Variants in BRAT1 observed in about 807,000 individuals in gnomAD.
BRAT1 encodes the protein BRCA1 associated ATM activator 1.
In BRAT1, 74 loss-of-function variants were observed where a neutral mutation model predicts 70.6. The observed-to-expected ratio is 1.05, with a 90% CI of 0.87 to 1.27. The LOEUF (loss-of-function observed/expected upper bound fraction) is 1.27, where lower values mean the gene tolerates loss of function less well. Ranked by LOEUF, BRAT1 falls within the 50% of genes most tolerant of loss-of-function variation. The pLI is 0.00. For synonymous variants in BRAT1, 615 were observed against 517.1 expected, an observed-to-expected ratio of 1.19 and a Z score of -2.57; for missense variants, 1,203 against 1,098.2, an observed-to-expected ratio of 1.10 and a Z score of -1.35.
In BRAT1 at chr7:2,538,574, C is replaced by G. The variant is rs1159450884; in HGVS notation, c.1961G>C (p.Gly654Ala). 1 of 1,599,164 alleles carries G rather than the reference C, an allele frequency of 6.3e-7. No homozygotes were observed. The highest frequency in any genetic ancestry group is 1.7e-5 in the Admixed American group (1 of 59,704). ...RDLDWEVRAQGLELALVFLGQ... is the reference protein window; with the variant it reads ...RDLDWEVRAQALELALVFLGQ... ...CAGGAACACGAGGGCCAGCTCCAGG[C>G]CCTGGGCGCGGACCTCCCAGTCCAG... The change falls in exon 14 of 14, where the codon GGC (glycine) becomes GCC (alanine). Residue 654 changes from glycine (G) to alanine (A), a missense_variant. By Grantham distance (60) the Gly-to-Ala change is moderately conservative. Transcript: ENST00000340611.
At chr7:2,551,189 C>T (rs576807154) in intron 2 of BRAT1, among the ~76,000 whole-genome samples, 1 of 150,114 alleles carries the variant, frequency 6.7e-6, no homozygotes, top group East Asian at 2.0e-4. Flanking sequence ...TGCAGTGAGC[C>T]AAGATTGTGC....
At chr7:2,548,673 A>G (rs911510211) in intron 2 of BRAT1, among the ~76,000 whole-genome samples, 16 of 151,606 alleles carry the variant, frequency 1.1e-4, no homozygotes, top group African/African-American at 3.9e-4. Context: ...CTCTCTAAAA[A>G]AAAAAAAGGC....
chr7:2,541,785 G>A lies in BRAT1; in HGVS notation c.1067C>T (p.Ala356Val), dbSNP rs912690370. The change falls in exon 8 of 14, where the codon GCC becomes GTC. Residue 356 changes from alanine to valine, a missense_variant. Transcript: ENST00000340611. ...DDATTVDTLL[A>V]SKSSCAGLLC... The stretch of plus-strand genomic sequence containing the variant: ...GAGGCCGGCGCAGGACGACTTGGAG[G>A]CCAGGAGTGTGTCCACCGTCGTGGC... 4.3e-6 allele frequency: 7 copies of A among 1,612,758 alleles called. 1 individual carries two copies. The highest frequency in any genetic ancestry group is 3.3e-5 in the Admixed American group (2 of 59,980).
Position 2,543,209 on chromosome 7 carries a change from C to G in BRAT1, c.918G>C (p.Glu306Asp), listed in dbSNP as rs1236822187. The G allele has an allele frequency of 6.2e-7, 1 of 1,604,710 alleles. No homozygotes were observed. Among genetic ancestry groups the G allele is most frequent in the African/African-American group, 1.3e-5 (1 of 74,516 alleles). Residue 306 changes from glutamate (E) to aspartate (D), a missense_variant, in exon 6 of 14, where the codon GAG becomes GAC. Transcript: ENST00000340611. The surrounding 1 kb of genome is among the most constrained non-coding windows in gnomAD (Gnocchi z 5.5). ...GPLALGILKL[E>D]HCPQALRTQA... ...AAATGCACCCCAGACCATACCAGTG[C>G]TCGAGCTTCAGGATCCCCAAAGCCA...
Position 2,539,550 on chromosome 7 carries a change from AG to A in BRAT1, c.1590del (p.Trp531GlyfsTer36), listed in dbSNP as rs755075934. The A allele has an allele frequency of 1.9e-6, 3 of 1,561,738 alleles. No individual in the cohort carries two copies. The highest frequency in any genetic ancestry group is 2.6e-6 in the Non-Finnish European group (3 of 1,152,166). The part of the protein sequence containing the change: ...ALEFLTQLSR[H>X]WGGQADFRCA... ...TCCACCTGCCAGCACTCACCTCCCC[AG>A]TGCCTGCTCAGCTGGGTCAGGAACT... On this transcript the variant is annotated frameshift_variant, in exon 12 of 14. Coordinates refer to ENST00000340611, the MANE Select transcript of BRAT1 (RefSeq NM_152743.4). LOFTEE classifies it high-confidence loss of function.
rs535585767 is a variant in BRAT1 at position 2,541,897 on chromosome 7, GCCACCCCACGGTCACCAC to G, written c.1016-79_1016-62del. The stretch of plus-strand genomic sequence containing the variant: ...CACTTCAGCCTCCCCACGGTCACCA[GCCACCCCACGGTCACCAC>G]CCACAGCACAGGCCAGGACCTAGGT... On this transcript the variant is annotated intron_variant, in intron 7 of 13. Coordinates refer to ENST00000340611, the MANE Select transcript of BRAT1 (RefSeq NM_152743.4). 4.9e-5 allele frequency: 76 copies of G among 1,549,502 alleles called. No individual in the cohort carries two copies. In the African/African-American group the frequency reaches 9.1e-4, roughly 18 times the overall value.
chr7:2,539,758 C>T (rs753735820), intron 11 of BRAT1, 28 bp downstream of exon 11: 11 of 1,592,262 alleles, frequency 6.9e-6, no homozygotes, highest in African/African-American at 5.4e-5. Context: ...ACTCCAGCTC[C>T]GTTCACCCCT....
Position 2,539,571 on chromosome 7 carries a change from G to C in BRAT1, c.1570C>G (p.Leu524Val), listed in dbSNP as rs140095103. The change falls in exon 12 of 14, where the codon CTG becomes GTG. Residue 524 changes from leucine to valine, a missense_variant. By Grantham distance (32) the Leu-to-Val change is conservative. Coordinates refer to ENST00000340611, the MANE Select transcript of BRAT1 (RefSeq NM_152743.4). Reference sequence around the variant, plus strand: ...CCCCAGTGCCTGCTCAGCTGGGTCAGGAACTCGAGGGCGGAGTCCCTCACC... The same window carrying C: ...CCCCAGTGCCTGCTCAGCTGGGTCACGAACTCGAGGGCGGAGTCCCTCACC... ...WEVRDSALEF[L>V]TQLSRHWGGQ... is the part of the protein sequence containing the mutation. The C allele has an allele frequency of 3.8e-6, 6 of 1,577,184 alleles. No homozygotes were observed. The highest frequency in any genetic ancestry group is 2.7e-5 in the African/African-American group (2 of 73,880).
At chr7:2,552,151 T>C (rs1316707891) in intron 2 of BRAT1, among the ~76,000 whole-genome samples, 3 of 117,968 alleles carry the variant, frequency 2.5e-5, no homozygotes, top group Non-Finnish European at 3.4e-5. Flanking sequence ...AGAGTCTCAC[T>C]CCATTGCCCT....
chr7:2,551,096 C>T (rs1287961260), intron 2 of BRAT1, among the ~76,000 whole-genome samples: 1 of 151,878 alleles, frequency 6.6e-6, no homozygotes, highest in African/African-American at 2.4e-5. Flanking sequence ...AAAAATTGGC[C>T]GGGCATGGTG....
Position 2,542,116 on chromosome 7 carries a change from A to T in BRAT1, c.1015+4T>A. 1 of 1,534,464 alleles carries T rather than the reference A, an allele frequency of 6.5e-7. No homozygotes were observed. Among genetic ancestry groups the T allele is most frequent in the Non-Finnish European group, 8.8e-7 (1 of 1,140,542 alleles). On this transcript the variant is annotated splice_donor_region_variant and intron_variant, in intron 7 of 13. Coordinates refer to ENST00000340611, the MANE Select transcript of BRAT1 (RefSeq NM_152743.4). ...GCCCTCCCAGCCCTTTCTAAGCAGC[A>T]CACCTGGGGGTCCGGGGGCCTGAAC...
intron 4 of BRAT1, among the ~76,000 whole-genome samples, chr7:2,544,549 G>A (rs910846555): frequency 1.4e-4 from 22 of 152,086 alleles, no homozygotes; most frequent in African/African-American, 5.3e-4. Context: ...TGCCTAAGTT[G>A]GAGTGCAGTG....
intron 13 of BRAT1, 98 bp downstream of exon 13, chr7:2,539,081 T>TC: frequency 6.7e-7 from 1 of 1,490,456 alleles, no homozygotes; most frequent in South Asian, 1.3e-5. Flanking sequence ...CAGCAGCTGC[T>TC]CCCACGCTGC....
Position 2,542,267 on chromosome 7 carries a change from T to C in BRAT1, c.924-56A>G, listed in dbSNP as rs1018629143. The C allele has an allele frequency of 4.2e-6, 6 of 1,414,148 alleles. No individual in the cohort carries two copies. The African/African-American group carries it at 8.6e-5, about 20-fold the overall frequency. The allele number at this position is 1,414,148 out of a possible 1,614,324, so 87.6% of individuals were successfully genotyped here. On this transcript the variant is annotated intron_variant, in intron 6 of 13. Coordinates refer to ENST00000340611, the MANE Select transcript of BRAT1 (RefSeq NM_152743.4). ...CCCTGGCTGCGAGACAAGTTGGCTG[T>C]GCTCCTAATGTCCCCAGCAAGCCTG...
Position 2,543,940 on chromosome 7 carries a change from G to A in BRAT1, c.453C>T (p.Ser151=). 6.3e-7 allele frequency: 1 copy of A among 1,588,924 alleles called. No individual in the cohort carries two copies. Among genetic ancestry groups the A allele is most frequent in the Non-Finnish European group, 8.6e-7 (1 of 1,163,136 alleles). The change falls in exon 5 of 14, where the codon TCC becomes TCT. Residue 151 remains serine (S), a synonymous_variant. Coordinates refer to ENST00000340611, the MANE Select transcript of BRAT1 (RefSeq NM_152743.4). The surrounding 1 kb of genome is among the most constrained non-coding windows in gnomAD (Gnocchi z 5.5). ...ADHGAVDTIF[S]LQGDSSLFVA... The stretch of plus-strand genomic sequence containing the variant: ...CAAACAGGCTGGAGTCTCCCTGCAG[G>A]GAGAAGATGGTGTCGACCGCACCTG...
chr7:2,553,396 A>T (rs1302442119), intron 2 of BRAT1, among the ~76,000 whole-genome samples: 3 of 152,190 alleles, frequency 2.0e-5, no homozygotes, highest in Non-Finnish European at 2.9e-5. Flanking sequence ...TGATTCAATT[A>T]ATTATGGTCT....
chr7:2,544,149 A>C (rs1241788667), intron 4 of BRAT1, 187 bp from the exon 5 acceptor site: 1 of 450,850 alleles, frequency 2.2e-6, no homozygotes, highest in Non-Finnish European at 3.9e-6. Flanking sequence ...CCTCCCCCCG[A>C]GCGTTAAACA....
chr7:2,539,321 G>A lies in BRAT1; in HGVS notation c.1628C>T (p.Ala543Val), dbSNP rs1778957444. ...CAGGGCCAGCTGAGGCACCTCTGAAGCCAAGAGTGCGCATCTGAAGTCAGC... is the reference window on the plus strand; with the variant it reads ...CAGGGCCAGCTGAGGCACCTCTGAAACCAAGAGTGCGCATCTGAAGTCAGC... Reference protein sequence around the residue: ...GQADFRCALLASEVPQLALQL... With the variant: ...GQADFRCALLVSEVPQLALQL... Residue 543 changes from alanine to valine, a missense_variant, in exon 13 of 14, where the codon GCT becomes GTT. By Grantham distance (64) the Ala-to-Val change is moderately conservative. Coordinates refer to ENST00000340611, the MANE Select transcript of BRAT1 (RefSeq NM_152743.4). 1 of 1,611,588 alleles carries A rather than the reference G, an allele frequency of 6.2e-7. No homozygotes were observed. The highest frequency in any genetic ancestry group is 8.5e-7 in the Non-Finnish European group (1 of 1,179,496).
intron 10 of BRAT1, 55 bp downstream of exon 10, chr7:2,540,924 G>T: frequency 6.9e-7 from 1 of 1,447,856 alleles, no homozygotes. Context: ...GTCAGGGGTG[G>T]GTCCCACTGC....
Sources: allele counts gnomAD v4.1 joint callset (sites outside exome capture counted in the v4.1 genomes callset), GRCh38; gene constraint gnomAD v4.1.1; non-coding constraint Gnocchi (gnomAD v3.1); transcripts MANE v1.5; gene names NCBI Gene and HGNC (gene_info 2026-07-23, HGNC 2026-07-21).